The following SGIP1 variants were observed in gnomAD, a reference collection of about 807,000 sequenced individuals.
The protein encoded by SGIP1 is SH3-containing GRB2-like protein 3-interacting protein 1.
Under a neutral mutation model 107.5 loss-of-function variants are expected in SGIP1, and 38 were observed. The ratio of observed to expected loss-of-function variants is 0.35; its 90% CI spans 0.27 to 0.46. The LOEUF is 0.46. Among genes scored for constraint, SGIP1 ranks in the 20% least tolerant of loss-of-function variants. The probability of loss-of-function intolerance (pLI) is 1.00; values close to 1 mark genes in which losing one functional copy is unlikely to be tolerated. For synonymous variants in SGIP1, 365 were observed against 366.1 expected (o/e 1.00, Z 0.03); for missense variants, 929 against 1,019.5 (o/e 0.91, Z 1.21).
chr1:66,619,992 T>C (rs1407944877), intron 1 of SGIP1, among the ~76,000 whole-genome samples: 1 of 152,248 alleles, frequency 6.6e-6, no homozygotes, highest in Non-Finnish European at 1.5e-5. Flanking sequence ...AGTCCAAGTT[T>C]CCTTTCTAAA....
rs567473604 is a variant in SGIP1, at chr1:66,662,717, G to A, written c.471+2193G>A. Among the ~76,000 whole-genome samples, 152 of 152,218 alleles carry A rather than the reference G, an allele frequency of 1.0e-3. 2 individuals are homozygous for A. The highest frequency in any genetic ancestry group is 1.7e-3 in the Non-Finnish European group (119 of 68,008). On this transcript the variant is annotated intron_variant, in intron 8 of 24. Coordinates refer to ENST00000371037, the MANE Select transcript of SGIP1 (RefSeq NM_032291.4). ...AATAGTTTCAACATATAAAATAAGA[G>A]TTATCTCTAAGTTGAACACCAAAAT...
rs754535232 is a variant in SGIP1 at position 66,750,339 on chromosome 1, T to C, written c.*7244T>C. Among the ~76,000 whole-genome samples, 6 of 152,300 alleles carry C rather than the reference T, an allele frequency of 3.9e-5. No individual in the cohort carries two copies. Among genetic ancestry groups the C allele is most frequent in the Admixed American group, 6.5e-5 (1 of 15,302 alleles). ...AATTTTCATTCTTACTAAGTGGCCA[T>C]GTAAGGCATTGATTTTTTTTAAACT... On this transcript the variant is annotated 3_prime_UTR_variant, in exon 25 of 25. Transcript: ENST00000371037.
intron 1 of SGIP1, among the ~76,000 whole-genome samples, chr1:66,542,753 C>T (rs1278037386): frequency 2.0e-5 from 3 of 152,080 alleles, no homozygotes; most frequent in Non-Finnish European, 4.4e-5. Flanking sequence ...GAAAATGAAA[C>T]CTTGGATAAG....
chr1:66,608,733 T>C (rs1056297869), intron 1 of SGIP1, among the ~76,000 whole-genome samples: 19 of 152,178 alleles, frequency 1.2e-4, no homozygotes, highest in Admixed American at 4.6e-4. Flanking sequence ...GAAAAGAGAT[T>C]AACAAGATTT....
intron 18 of SGIP1, among the ~76,000 whole-genome samples, chr1:66,700,621 G>C (rs901242878): frequency 1.4e-5 from 2 of 147,558 alleles, no homozygotes; most frequent in Non-Finnish European, 3.0e-5. Context: ...TGTGTACTAT[G>C]TATAATAATC....
chr1:66,546,018 G>T (rs1471923634), intron 1 of SGIP1, among the ~76,000 whole-genome samples: 1 of 152,146 alleles, frequency 6.6e-6, no homozygotes, highest in East Asian at 1.9e-4. Flanking sequence ...CCTGTGTAAG[G>T]ATCACAAACT....
intron 15 of SGIP1, among the ~76,000 whole-genome samples, chr1:66,682,727 T>C (rs2087047774): frequency 6.6e-6 from 1 of 151,994 alleles, no homozygotes; most frequent in South Asian, 2.1e-4. Flanking sequence ...AATGTCTGAT[T>C]TCCTTGTCGG....
At chr1:66,646,013 G>A (rs1402506324) in intron 7 of SGIP1, among the ~76,000 whole-genome samples, 2 of 152,020 alleles carry the variant, frequency 1.3e-5, no homozygotes, top group African/African-American at 4.8e-5. Context: ...GCTACTTTTG[G>A]TATTTTCAGT....
intron 9 of SGIP1, among the ~76,000 whole-genome samples, chr1:66,670,110 A>C (rs887796898): frequency 3.9e-5 from 6 of 152,160 alleles, no homozygotes; most frequent in Middle Eastern, 3.2e-3. Context: ...TGCCCCTGTC[A>C]TTCTCCTACT....
At chr1:66,690,447 T>C in intron 17 of SGIP1, 131 bp downstream of exon 17, 3 of 1,311,670 alleles carry the variant, frequency 2.3e-6, no homozygotes, top group Non-Finnish European at 2.1e-6. Context: ...ATTACCTGAC[T>C]CTTCTTTTAA....
intron 9 of SGIP1, among the ~76,000 whole-genome samples, chr1:66,669,970 C>T (rs2083402971): frequency 1.3e-5 from 2 of 152,288 alleles, no homozygotes; most frequent in East Asian, 3.9e-4. Context: ...CTGTGACCAC[C>T]AGATTGAGCC....
chr1:66,743,175 TGAAAA>T lies in SGIP1; in HGVS notation c.*81_*85del. 1.3e-6 allele frequency: 2 copies of T among 1,505,308 alleles called. No individual in the cohort carries two copies. The highest frequency in any genetic ancestry group is 1.8e-6 in the Non-Finnish European group (2 of 1,089,608). The allele number at this position is 1,505,308 out of a possible 1,614,324, so 93.2% of individuals were successfully genotyped here. A position where few individuals can be genotyped will look rare whatever the true frequency, so the allele number is the denominator to read the frequency against. On this transcript the variant is annotated 3_prime_UTR_variant, in exon 25 of 25. Coordinates refer to ENST00000371037, the MANE Select transcript of SGIP1 (RefSeq NM_032291.4). ...GAAACAGATTTTAATTTTGGTTTGATGAAAACAAACCAATATCTGCACTTGGGATA... is the reference window on the plus strand; with the variant it reads ...GAAACAGATTTTAATTTTGGTTTGATCAAACCAATATCTGCACTTGGGATA...
intron 18 of SGIP1, among the ~76,000 whole-genome samples, chr1:66,708,738 A>C (rs540844369): frequency 6.6e-6 from 1 of 151,790 alleles, no homozygotes; most frequent in African/African-American, 2.4e-5. Context: ...GAAAAATGTC[A>C]ATTGATTGTA....
chr1:66,698,630 G>A (rs1184512083), intron 18 of SGIP1, among the ~76,000 whole-genome samples: 4 of 151,982 alleles, frequency 2.6e-5, no homozygotes, highest in African/African-American at 9.7e-5. Flanking sequence ...CACCCGCCTC[G>A]GCCTCCCAAA....
chr1:66,597,132 G>T (rs1208721868), intron 1 of SGIP1, among the ~76,000 whole-genome samples: 1 of 152,138 alleles, frequency 6.6e-6, no homozygotes, highest in Non-Finnish European at 1.5e-5. Context: ...TATTACAGGG[G>T]TTCGTACAGA....
At chr1:66,652,090 C>T (rs980101629) in intron 7 of SGIP1, among the ~76,000 whole-genome samples, 12 of 152,148 alleles carry the variant, frequency 7.9e-5, no homozygotes, top group African/African-American at 2.9e-4. Context: ...AGAATGAACA[C>T]AGGCTTTTGA....
At chr1:66,697,891 G>T (rs917451313) in intron 18 of SGIP1, among the ~76,000 whole-genome samples, 1 of 151,950 alleles carries the variant, frequency 6.6e-6, no homozygotes, top group Non-Finnish European at 1.5e-5. Flanking sequence ...TTCTTGTAGG[G>T]CACTCTGGTT....
In SGIP1 at chr1:66,670,998, G is replaced by T. The variant is rs755026436; in HGVS notation, c.487G>T (p.Ala163Ser). 7.2e-7 allele frequency: 1 copy of T among 1,381,618 alleles called. No individual in the cohort carries two copies. The highest frequency in any genetic ancestry group is 1.0e-6 in the Non-Finnish European group (1 of 997,922). 85.6% of individuals were successfully genotyped at this position (1,381,618 alleles called of 1,614,324 possible). A position where few individuals can be genotyped will look rare whatever the true frequency, so the allele number is the denominator to read the frequency against. Residue 163 changes from alanine (A) to serine (S), a missense_variant, in exon 10 of 25, where the codon GCA becomes TCA. Coordinates refer to ENST00000371037, the MANE Select transcript of SGIP1 (RefSeq NM_032291.4). ...TAGTGTCTATTTCTAATTCTAGGGT[G>T]CAATTAAAAGGAACTTATCCAGTAA... ...VRKSPRRSPG[A>S]IKRNLSSEEV...
rs568089463 is a variant in SGIP1 at position 66,749,461 on chromosome 1, T to G, written c.*6366T>G. 9.2e-5 allele frequency among the ~76,000 whole-genome samples: 14 copies of G among 151,960 alleles called. No individual in the cohort carries two copies. In the South Asian group the frequency reaches 2.9e-3, roughly 31 times the overall value. ...CATAGGGTTTTTTTTTTGCTGTTTT[T>G]TTTTCTTTTTTTGCTTTGCTTTACT... On this transcript the variant is annotated 3_prime_UTR_variant, in exon 25 of 25. Transcript: ENST00000371037.
Sources: allele counts gnomAD v4.1 joint callset (sites outside exome capture counted in the v4.1 genomes callset), GRCh38; gene constraint gnomAD v4.1.1; transcripts MANE v1.5; gene names NCBI Gene and HGNC (gene_info 2026-07-23, HGNC 2026-07-21).